Variants in GRHL3 observed in about 807,000 individuals in gnomAD.
GRHL3 encodes the protein grainyhead-like protein 3 homolog.
A neutral mutation model predicts 70.3 loss-of-function variants in GRHL3; 20 were observed. The ratio of observed to expected loss-of-function variants is 0.28; its 90% CI spans 0.20 to 0.41. GRHL3 has a LOEUF of 0.41. GRHL3 is among the 10% of genes least tolerant of loss of function. GRHL3 has a pLI of 1.00. For synonymous variants in GRHL3, 299 were observed against 299.9 expected (o/e 1.00, Z 0.03); for missense variants, 637 against 762.3 (o/e 0.84, Z 1.94).
Position 24,336,595 on chromosome 1 carries a change from T to C in GRHL3, c.380T>C (p.Leu127Pro). 6.2e-7 allele frequency: 1 copy of C among 1,614,008 alleles called. No homozygotes were observed. Among genetic ancestry groups the C allele is most frequent in the Non-Finnish European group, 8.5e-7 (1 of 1,179,980 alleles). The change falls in exon 4 of 16, where the codon CTC becomes CCC. Residue 127 changes from leucine (L) to proline (P), a missense_variant. Physicochemically the swap from Leu to Pro is moderately conservative, Grantham distance 98. Coordinates refer to ENST00000361548, the MANE Select transcript of GRHL3 (RefSeq NM_198173.3). ...GGAACCCCAGAGTACCCAGATTTGC[T>C]CAAGAAGAATAACCTGATGAGCTTG... ...VSGTPEYPDL[L>P]KKNNLMSLEG...
intron 12 of GRHL3, 24 bp from the exon 13 acceptor site, chr1:24,346,529 G>C (rs764751472): frequency 1.9e-6 from 3 of 1,574,510 alleles, no homozygotes; most frequent in South Asian, 2.2e-5. Context: ...TTTCTCACAA[G>C]CTCCCCCACT....
chr1:24,362,625 A>G (rs1641195542), intron 15 of GRHL3, among the ~76,000 whole-genome samples: 2 of 152,232 alleles, frequency 1.3e-5, no homozygotes, highest in African/African-American at 4.8e-5. Flanking sequence ...TATTCTTCTG[A>G]TGATCCCTGT....
At chr1:24,339,795 TG>T in intron 8 of GRHL3, 33 bp downstream of exon 8, 1 of 1,443,498 alleles carries the variant, frequency 6.9e-7, no homozygotes, top group South Asian at 1.2e-5. Context: ...GGGATGGGAC[TG>T]GGCTGCCTGG....
intron 12 of GRHL3, among the ~76,000 whole-genome samples, chr1:24,345,476 C>T (rs1640242030): frequency 1.3e-5 from 2 of 151,710 alleles, no homozygotes; most frequent in African/African-American, 4.8e-5. Context: ...CTCACTGAAA[C>T]TGCCTGGGTT....
chr1:24,337,272 G>C lies in GRHL3; in HGVS notation c.686+121G>C, dbSNP rs577092028. ...CAATTAATGAGAAGTGGGGGATGAA[G>C]GCAGATAGATAGAGGGAGACAGAAT... On this transcript the variant is annotated intron_variant, in intron 5 of 15. Coordinates refer to ENST00000361548, the MANE Select transcript of GRHL3 (RefSeq NM_198173.3). 3 of 688,346 alleles carry C rather than the reference G, an allele frequency of 4.4e-6. No individual in the cohort carries two copies. In the African/African-American group the frequency reaches 5.4e-5, roughly 12 times the overall value. 42.6% of individuals were successfully genotyped at this position (688,346 alleles called of 1,614,324 possible). A position where few individuals can be genotyped will look rare whatever the true frequency, so the allele number is the denominator to read the frequency against.
rs1557700630 is a variant in GRHL3, at chr1:24,342,679, CCTT to C, written c.1207-12_1207-10del. The stretch of plus-strand genomic sequence containing the variant: ...TCCCAGGCCCTTGGTGACCCTCTCT[CCTT>C]CTCCCCTGCAGGGAGCTGAGAGGAA... On this transcript the variant is annotated splice_polypyrimidine_tract_variant and intron_variant, in intron 9 of 15. Transcript: ENST00000361548. The surrounding 1 kb of genome is among the most constrained non-coding windows in gnomAD (Gnocchi z 4.8). The C allele has an allele frequency of 1.1e-5, 17 of 1,613,512 alleles. No homozygotes were observed. The East Asian group carries it at 2.7e-4, about 25-fold the overall frequency.
At chr1:24,337,930 A>C in intron 6 of GRHL3, 62 bp from the exon 7 acceptor site, 1 of 1,538,832 alleles carries the variant, frequency 6.5e-7, no homozygotes, top group Non-Finnish European at 8.9e-7. Flanking sequence ...GCAAAAGGGC[A>C]GGCCATTGGA....
At chr1:24,337,286 G>T in intron 5 of GRHL3, 135 bp downstream of exon 5, 1 of 650,772 alleles carries the variant, frequency 1.5e-6, no homozygotes. Context: ...GATAGATAGA[G>T]GGAGACAGAA....
chr1:24,354,171 C>T (rs549296443), intron 15 of GRHL3, among the ~76,000 whole-genome samples: 22 of 152,216 alleles, frequency 1.4e-4, no homozygotes, highest in Admixed American at 1.2e-3. Flanking sequence ...GGTTGTGGCT[C>T]GGCCACTGGG....
chr1:24,351,215 T>G (rs967132152), intron 15 of GRHL3, among the ~76,000 whole-genome samples: 3 of 152,170 alleles, frequency 2.0e-5, no homozygotes, highest in Non-Finnish European at 4.4e-5. Context: ...GGATCTTCCT[T>G]TGTAGAAGAC....
intron 1 of GRHL3, among the ~76,000 whole-genome samples, chr1:24,330,536 G>A (rs897705109): frequency 6.6e-6 from 1 of 152,236 alleles, no homozygotes; most frequent in Non-Finnish European, 1.5e-5. Context: ...TTTATGAAAT[G>A]TGCTTAGCTA....
intron 15 of GRHL3, 38 bp downstream of exon 15, chr1:24,350,160 A>C: frequency 6.4e-7 from 1 of 1,559,884 alleles, no homozygotes; most frequent in Non-Finnish European, 8.8e-7. Flanking sequence ...CTGGTTGCTC[A>C]GTGCTGAGCA....
rs12401356 is a variant in GRHL3 at position 24,331,020 on chromosome 1, C to G, written c.18-406C>G. On this transcript the variant is annotated intron_variant, in intron 1 of 15. Transcript: ENST00000361548. Reference sequence around the variant, plus strand: ...TTCACAGTCTTGAGGACAACTTCTTCAGTAGAACTCATGATGGGTTATCTG... The same window carrying G: ...TTCACAGTCTTGAGGACAACTTCTTGAGTAGAACTCATGATGGGTTATCTG... Among the ~76,000 whole-genome samples the G allele has an allele frequency of 4.3e-3, 649 of 152,378 alleles. 25 individuals are homozygous for G. The highest frequency in any genetic ancestry group is 0.041 in the Admixed American group (634 of 15,312).
chr1:24,323,096 A>G, intron 1 of GRHL3: 1 of 1,543,438 alleles, frequency 6.5e-7, no homozygotes, highest in Non-Finnish European at 8.8e-7. Context: ...ATGTGGATGA[A>G]TTCCATTCTT....
intron 14 of GRHL3, among the ~76,000 whole-genome samples, chr1:24,348,285 A>G (rs1640371078): frequency 6.6e-6 from 1 of 152,218 alleles, no homozygotes; most frequent in Non-Finnish European, 1.5e-5. Flanking sequence ...TGTGCCCTTA[A>G]CAACCCTGAA....
intron 14 of GRHL3, 25 bp from the exon 15 acceptor site, chr1:24,350,033 T>C: frequency 6.3e-7 from 1 of 1,587,344 alleles, no homozygotes; most frequent in South Asian, 1.1e-5. Flanking sequence ...CAGCAGGCAA[T>C]GAATCACCTG....
intron 1 of GRHL3, among the ~76,000 whole-genome samples, chr1:24,330,535 T>C (rs1340582732): frequency 2.6e-5 from 4 of 152,236 alleles, no homozygotes; most frequent in Non-Finnish European, 5.9e-5. Context: ...ATTTATGAAA[T>C]GTGCTTAGCT....
chr1:24,327,828 C>T (rs1639452656), intron 1 of GRHL3, among the ~76,000 whole-genome samples: 1 of 152,200 alleles, frequency 6.6e-6, no homozygotes, highest in Non-Finnish European at 1.5e-5. Context: ...CCCCCTCTCT[C>T]ACCTACTGGC....
intron 3 of GRHL3, among the ~76,000 whole-genome samples, chr1:24,335,488 T>G (rs1169730559): frequency 1.3e-5 from 2 of 152,090 alleles, no homozygotes; most frequent in East Asian, 3.9e-4. Flanking sequence ...GCAGCTCATC[T>G]CATAACCCAG....
Sources: allele counts gnomAD v4.1 joint callset (sites outside exome capture counted in the v4.1 genomes callset), GRCh38; gene constraint gnomAD v4.1.1; non-coding constraint Gnocchi (gnomAD v3.1); transcripts MANE v1.5; gene names NCBI Gene and HGNC (gene_info 2026-07-23, HGNC 2026-07-21).